AK6: variants seen among roughly 807,000 people sequenced by gnomAD.
The protein encoded by AK6 is adenylate kinase 6.
A neutral mutation model predicts 23.7 loss-of-function variants in AK6; 24 were observed. That is an observed-to-expected ratio of 1.01 (90% CI 0.73 to 1.43). AK6 has a LOEUF of 1.43. Ranked by LOEUF, AK6 falls within the 40% of genes most tolerant of loss-of-function variation. The pLI, the probability that AK6 is intolerant of heterozygous loss-of-function variation, is 0.00. For missense variants in AK6, 191 were observed against 199.1 expected (o/e 0.96, Z 0.24); for synonymous variants, 73 against 69.8 (o/e 1.05, Z -0.23).
intron 4 of AK6, 82 bp downstream of exon 4, chr5:69,355,566 CA>C: frequency 7.2e-7 from 1 of 1,383,962 alleles, no homozygotes; most frequent in Non-Finnish European, 9.7e-7. Context: ...CAAACAACAA[CA>C]ATCTTTTATC....
Position 69,366,508 on chromosome 5 carries a change from C to T in AK6, c.116G>A (p.Arg39Gln), listed in dbSNP as rs140138224. Residue 39 changes from arginine to glutamine, a missense_variant, in exon 2 of 5, where the codon CGA becomes CAA. Coordinates refer to ENST00000380822, the MANE Select transcript of AK6 (RefSeq NM_016283.5). Reference protein sequence around the residue: ...LKYINVGDLAREEQLYDGYDE... With the variant: ...LKYINVGDLAQEEQLYDGYDE... ...AACACCAAAGTGTCCCTTACCTTCT[C>T]GAGCTAAATCACCCACATTAATGTA... 42 of 1,613,066 alleles carry T rather than the reference C, an allele frequency of 2.6e-5. No homozygotes were observed. Among genetic ancestry groups the T allele is most frequent in the Non-Finnish European group, 3.2e-5 (38 of 1,179,566 alleles).
intron 2 of AK6, chr5:69,364,937 G>C (rs1052234759): frequency 4.4e-6 from 7 of 1,602,876 alleles, no homozygotes; most frequent in Non-Finnish European, 5.1e-6. Context: ...ATTCAGCAAG[G>C]CTAGATTACA....
Position 69,355,841 on chromosome 5 carries a change from C to A in AK6, c.181-47G>T, listed in dbSNP as rs1248967439. 3.1e-6 allele frequency: 5 copies of A among 1,596,226 alleles called. No homozygotes were observed. In the Middle Eastern group the frequency reaches 6.7e-4, roughly 214 times the overall value. ...AAATGCTTCTTAAGAAAACTGAAGT[C>A]AACTTTCCTATGAAATTCAACAAAT... On this transcript the variant is annotated intron_variant, in intron 3 of 4. Coordinates refer to ENST00000380822, the MANE Select transcript of AK6 (RefSeq NM_016283.5).
chr5:69,358,194 C>CGG (rs1762131515), intron 2 of AK6, among the ~76,000 whole-genome samples: 1 of 152,136 alleles, frequency 6.6e-6, no homozygotes, highest in African/African-American at 2.4e-5. Flanking sequence ...TAGATAAACA[C>CGG]GGAGGTTCCT....
chr5:69,359,331 G>C (rs1285306842), intron 2 of AK6, among the ~76,000 whole-genome samples: 1 of 151,746 alleles, frequency 6.6e-6, no homozygotes, highest in African/African-American at 2.4e-5. Context: ...TGCAACCTCC[G>C]TCTCCTGGGT....
chr5:69,360,668 G>A (rs1295880335), intron 2 of AK6, among the ~76,000 whole-genome samples: 1 of 152,182 alleles, frequency 6.6e-6, no homozygotes, highest in Non-Finnish European at 1.5e-5. Flanking sequence ...AAGATAGGGA[G>A]AGAGCAGTGT....
intron 1 of AK6, chr5:69,369,226 AC>A (rs200123392): frequency 0.37 from 45,689 of 124,092 alleles, 4,691 homozygotes; most frequent in Non-Finnish European, 0.42. Flanking sequence ...ACCTCTCTCC[AC>A]CCCCCCCCGC....
chr5:69,365,932 T>C (rs562456306), intron 2 of AK6, among the ~76,000 whole-genome samples: 16 of 152,228 alleles, frequency 1.1e-4, no homozygotes, highest in Admixed American at 2.0e-4. Context: ...CTTTAATTTA[T>C]TGAGTTCCTA....
chr5:69,360,571 T>C (rs891525538), intron 2 of AK6, among the ~76,000 whole-genome samples: 7 of 151,820 alleles, frequency 4.6e-5, no homozygotes, highest in Non-Finnish European at 7.4e-5. Flanking sequence ...CCTGAATGAG[T>C]GAGATTACTA....
chr5:69,357,999 T>C (rs1056312358), intron 2 of AK6, among the ~76,000 whole-genome samples: 4 of 152,254 alleles, frequency 2.6e-5, no homozygotes, highest in African/African-American at 9.6e-5. Context: ...TGCTCACATA[T>C]ACAAGTGTAA....
intron 1 of AK6, chr5:69,367,966 A>G (rs1401242474): frequency 6.6e-6 from 1 of 152,216 alleles, no homozygotes; most frequent in Non-Finnish European, 1.5e-5. Flanking sequence ...GGAGTTCGAG[A>G]CCAGCCTGGC....
At position 69,366,521 on chromosome 5, in the gene AK6, C is replaced by A; in HGVS notation, c.103G>T (p.Gly35Cys). ...CCCTTACCTTCTCGAGCTAAATCAC[C>A]CACATTAATGTATTTCAGTCCTGAT... ...SKSGLKYINV[G>C]DLAREEQLYD... is the part of the protein sequence containing the mutation. Residue 35 changes from glycine (G) to cysteine (C), a missense_variant, in exon 2 of 5, where the codon GGT becomes TGT. Gly to Cys is a radical substitution (Grantham distance 159). Coordinates refer to ENST00000380822, the MANE Select transcript of AK6 (RefSeq NM_016283.5). The A allele has an allele frequency of 6.2e-7, 1 of 1,613,910 alleles. No homozygotes were observed. The highest frequency in any genetic ancestry group is 8.5e-7 in the Non-Finnish European group (1 of 1,179,942).
rs1279957278 is a variant in AK6 at position 69,351,930 on chromosome 5, T to C, written c.*131A>G. On this transcript the variant is annotated 3_prime_UTR_variant, in exon 5 of 5. Transcript: ENST00000380822. ...TCATGGAGAAAAAGAAACACAGGCATAAACCTATATACTATCCACCTGCTG... is the reference window on the plus strand; with the variant it reads ...TCATGGAGAAAAAGAAACACAGGCACAAACCTATATACTATCCACCTGCTG... 1 of 567,840 alleles carries C rather than the reference T, an allele frequency of 1.8e-6. No homozygotes were observed. The highest frequency in any genetic ancestry group is 1.9e-5 in the African/African-American group (1 of 52,358). The allele number at this position is 567,840 out of a possible 1,614,324, so 35.2% of individuals were successfully genotyped here.
At chr5:69,369,243 C>CCCCCCCCCCCA in intron 1 of AK6, 1 of 261,300 alleles carries the variant, frequency 3.8e-6, no homozygotes, top group Non-Finnish European at 7.1e-6. Flanking sequence ...CCCGCCCCCC[C>CCCCCCCCCCCA]CCGGAGCCTC....
intron 2 of AK6, chr5:69,365,320 CA>C: frequency 6.2e-7 from 1 of 1,614,162 alleles, no homozygotes; most frequent in Non-Finnish European, 8.5e-7. Context: ...ATTCTTCCCG[CA>C]GAAGTTGATG....
intron 2 of AK6, chr5:69,365,830 TAAAA>T: frequency 9.0e-7 from 1 of 1,115,364 alleles, no homozygotes; most frequent in African/African-American, 1.6e-5. Context: ...GTCAGGAACT[TAAAA>T]AAATTTTAAA....
intron 1 of AK6, among the ~76,000 whole-genome samples, chr5:69,367,035 A>C (rs185319833): frequency 6.0e-4 from 91 of 152,246 alleles, no homozygotes; most frequent in Admixed American, 1.0e-3. Flanking sequence ...CTGGGATTAC[A>C]GGCGTGAGCC....
At position 69,360,512 on chromosome 5, in the gene AK6, G is replaced by T. The variant is rs1287831038; in HGVS notation, c.122-4559C>A. 3.3e-5 allele frequency among the ~76,000 whole-genome samples: 5 copies of T among 152,260 alleles called. No homozygotes were observed. In the East Asian group the frequency reaches 7.7e-4, roughly 23 times the overall value. On this transcript the variant is annotated intron_variant, in intron 2 of 4. Coordinates refer to ENST00000380822, the MANE Select transcript of AK6 (RefSeq NM_016283.5). Reference sequence around the variant, plus strand: ...TTGTCTAATAGGTGTCTAGAAATTGGGTTGTTTTAATTATAAATTTAAGTC... The same window carrying T: ...TTGTCTAATAGGTGTCTAGAAATTGTGTTGTTTTAATTATAAATTTAAGTC...
Position 69,369,226 on chromosome 5 carries a change from A to ACCCCCCCCCCC in AK6, c.28+236_28+237insGGGGGGGGGGG, listed in dbSNP as rs200123392. On this transcript the variant is annotated intron_variant, in intron 1 of 4. Coordinates refer to ENST00000380822, the MANE Select transcript of AK6 (RefSeq NM_016283.5). ...GAGCTGGATCTGCCGACCTCTCTCC[A>ACCCCCCCCCCC]CCCCCCCCCGCCCCCCCCCGGAGCC... is the stretch of plus-strand genomic sequence containing the variant. The ACCCCCCCCCCC allele has an allele frequency of 1.9e-3, 234 of 124,542 alleles. 44 individuals carry two copies. Among genetic ancestry groups the ACCCCCCCCCCC allele is most frequent in the South Asian group, 7.1e-3 (44 of 6,236 alleles). 7.7% of individuals were successfully genotyped at this position (124,542 alleles called of 1,614,324 possible). A position where few individuals can be genotyped will look rare whatever the true frequency, so the allele number is the denominator to read the frequency against.
Sources: allele counts gnomAD v4.1 joint callset (sites outside exome capture counted in the v4.1 genomes callset), GRCh38; gene constraint gnomAD v4.1.1; transcripts MANE v1.5; gene names NCBI Gene and HGNC (gene_info 2026-07-23, HGNC 2026-07-21).